The following C1S variants were observed in gnomAD, a reference collection of about 807,000 sequenced individuals.
C1S encodes complement C1s subcomponent.
In C1S, 31 loss-of-function variants were observed where a neutral mutation model predicts 54.0. The ratio of observed to expected loss-of-function variants is 0.57; its 90% CI spans 0.43 to 0.78. C1S has a LOEUF of 0.78. Ranked by LOEUF, C1S falls within the 30% of genes least tolerant of loss-of-function variation. The pLI is 0.00. For synonymous variants in C1S, 292 were observed against 303.6 expected, an observed-to-expected ratio of 0.96 and a Z score of 0.40; for missense variants, 727 against 851.8, an observed-to-expected ratio of 0.85 and a Z score of 1.82.
chr12:7,064,199 T>C, intron 4 of C1S, 68 bp from the exon 5 acceptor site: 2 of 1,561,816 alleles, frequency 1.3e-6, no homozygotes, highest in Non-Finnish European at 1.8e-6. Flanking sequence ...CCTTATGGTT[T>C]TGGATTTAAC....
At chr12:7,062,452 A>C (rs782664409) in intron 2 of C1S, 23 bp from the exon 3 acceptor site, 10 of 1,597,768 alleles carry the variant, frequency 6.3e-6, no homozygotes, top group South Asian at 5.5e-5. Context: ...GTCACCCGCC[A>C]ATCTATGCCT....
At chr12:7,064,661 C>T (rs782612582) in intron 5 of C1S, among the ~76,000 whole-genome samples, 21 of 151,918 alleles carry the variant, frequency 1.4e-4, no homozygotes, top group African/African-American at 4.6e-4. Context: ...TACACTATAC[C>T]CAGTGTGTAG....
At chr12:7,066,335 C>T in intron 7 of C1S, 183 bp from the exon 8 acceptor site, 1 of 672,424 alleles carries the variant, frequency 1.5e-6, no homozygotes. Flanking sequence ...AGACTGCAGA[C>T]AGCTTGCGGG....
Position 7,062,461 on chromosome 12 carries a change from C to T in C1S, c.6-14C>T, listed in dbSNP as rs1555161387. On this transcript the variant is annotated splice_polypyrimidine_tract_variant and intron_variant, in intron 2 of 11. Coordinates refer to ENST00000360817, the MANE Select transcript of C1S (RefSeq NM_001734.5). ...TGCCTGGTCACCCGCCAATCTATGC[C>T]TCTGTTTTTTCAGGTGCATTGTCCT... is the stretch of plus-strand genomic sequence containing the variant. The T allele has an allele frequency of 3.1e-6, 5 of 1,607,310 alleles. No individual in the cohort carries two copies. In the African/African-American group the frequency reaches 5.4e-5, roughly 17 times the overall value.
chr12:7,070,441 T>C lies in C1S; in HGVS notation c.1857T>C (p.Ala619=), dbSNP rs1937821080. ...TTTTCACTCCTAACATGATCTGTGC[T>C]GGAGGAGAGAAGGGCATGGATAGCT... ...AYVFTPNMIC[A]GGEKGMDSCK... Residue 619 remains alanine, a synonymous_variant, in exon 12 of 12, where the codon GCT becomes GCC. Coordinates refer to ENST00000360817, the MANE Select transcript of C1S (RefSeq NM_001734.5). This position sits in a 1 kb window ranked among gnomAD's most constrained non-coding sequence, Gnocchi z 4.9. 2 of 1,614,202 alleles carry C rather than the reference T, an allele frequency of 1.2e-6. No individual in the cohort carries two copies. The highest frequency in any genetic ancestry group is 1.7e-6 in the Non-Finnish European group (2 of 1,180,028).
At chr12:7,069,775 A>G in intron 11 of C1S, 80 bp from the exon 12 acceptor site, 2 of 1,209,938 alleles carry the variant, frequency 1.7e-6, no homozygotes, top group Non-Finnish European at 2.5e-6. Context: ...AGCAGGTAAC[A>G]TTATGTGAGT....
rs140559698 is a variant in C1S, at chr12:7,065,947, G to A, written c.848G>A (p.Trp283Ter). The A allele has an allele frequency of 6.2e-7, 1 of 1,613,874 alleles. No homozygotes were observed. Among genetic ancestry groups the A allele is most frequent in the African/African-American group, 1.3e-5 (1 of 74,898 alleles). Residue 283 changes from tryptophan (W) to a stop codon, truncating the protein, a stop_gained, in exon 7 of 12, where the codon TGG becomes TAG. Coordinates refer to ENST00000360817, the MANE Select transcript of C1S (RefSeq NM_001734.5). LOFTEE classifies it high-confidence loss of function. The part of the protein sequence containing the change: ...QTDLTGQKKG[W>*]KLRYHGDPMP... ...GATCTAACAGGGCAAAAAAAGGGCT[G>A]GAAACTTCGCTATCATGGAGATCGT...
chr12:7,067,522 T>G (rs1591579932), intron 9 of C1S, 121 bp from the exon 10 acceptor site: 110 of 1,129,038 alleles, frequency 9.7e-5, no homozygotes, highest in East Asian at 6.6e-4. Context: ...TGTGGGGAGG[T>G]TCATCCCAGG....
At chr12:7,066,097 G>C (rs1364581670) in intron 7 of C1S, 127 bp downstream of exon 7, 1 of 872,696 alleles carries the variant, frequency 1.1e-6, no homozygotes, top group Non-Finnish European at 1.9e-6. Context: ...GGGAGGCTGA[G>C]GCAGGAGGAT....
In C1S at chr12:7,062,947, C is replaced by A. The variant is rs1326224262; in HGVS notation, c.271C>A (p.Pro91Thr). The change falls in exon 4 of 12, where the codon CCC (proline) becomes ACC (threonine). Residue 91 changes from proline (P) to threonine (T), a missense_variant. Around this residue, in one of 3 missense-constraint regions of C1S, gnomAD observed 357 missense variants for 365.4 expected, o/e 0.98. Coordinates refer to ENST00000360817, the MANE Select transcript of C1S (RefSeq NM_001734.5). ...CTGTGGACAGAGGAGCAGTAACAAT[C>A]CCCACTCTCCAATTGTGGAAGAGTT... Reference protein sequence around the residue: ...RLCGQRSSNNPHSPIVEEFQV... With the variant: ...RLCGQRSSNNTHSPIVEEFQV... 2 of 1,613,864 alleles carry A rather than the reference C, an allele frequency of 1.2e-6. No homozygotes were observed. Among genetic ancestry groups the A allele is most frequent in the Non-Finnish European group, 1.7e-6 (2 of 1,179,904 alleles).
chr12:7,062,733 G>A, intron 3 of C1S, 51 bp downstream of exon 3: 1 of 1,573,158 alleles, frequency 6.4e-7, no homozygotes, highest in Middle Eastern at 1.9e-4. Flanking sequence ...GGCTAAGGTA[G>A]CGGAATAAGG....
chr12:7,062,328 T>G, intron 2 of C1S, 147 bp from the exon 3 acceptor site: 1 of 704,398 alleles, frequency 1.4e-6, no homozygotes, highest in South Asian at 1.5e-5. Flanking sequence ...GACCTGGGCC[T>G]TTTCTTTATT....
rs373645008 is a variant in C1S, at chr12:7,068,659, G to A, written c.1270+129G>A. Reference sequence around the variant, plus strand: ...TGCCAGAGTCCAGCTCAGTGAGGTGGCAGTATCACTGTGCCGTGGGCTGCC... The same window carrying A: ...TGCCAGAGTCCAGCTCAGTGAGGTGACAGTATCACTGTGCCGTGGGCTGCC... On this transcript the variant is annotated intron_variant, in intron 11 of 11. Transcript: ENST00000360817. The A allele has an allele frequency of 1.2e-4, 89 of 724,986 alleles. 2 individuals are homozygous for A. The East Asian group carries it at 1.4e-3, about 12-fold the overall frequency. 44.9% of individuals were successfully genotyped at this position (724,986 alleles called of 1,614,324 possible).
At position 7,062,363 on chromosome 12, in the gene C1S, C is replaced by G; in HGVS notation, c.6-112C>G. On this transcript the variant is annotated intron_variant, in intron 2 of 11. Coordinates refer to ENST00000360817, the MANE Select transcript of C1S (RefSeq NM_001734.5). ...TCCGACCTAAGATTCTCCCCCATGG[C>G]CGATTGACTGCCTCTCTTCTTCCCC... 3.8e-6 allele frequency: 3 copies of G among 797,196 alleles called. No homozygotes were observed. In the East Asian group the frequency reaches 7.7e-5, roughly 20 times the overall value. The allele number at this position is 797,196 out of a possible 1,614,324, so 49.4% of individuals were successfully genotyped here.
intron 7 of C1S, 148 bp downstream of exon 7, chr12:7,066,118 C>T: frequency 5.2e-6 from 4 of 762,666 alleles, no homozygotes; most frequent in South Asian, 1.4e-5. Flanking sequence ...CCCTTGAGCC[C>T]AGGAAGTAGG....
intron 4 of C1S, chr12:7,063,285 TAAA>T (rs1251988894): frequency 1.7e-6 from 1 of 582,574 alleles, no homozygotes; most frequent in African/African-American, 1.9e-5. Flanking sequence ...TAGTACATAA[TAAA>T]CAGCAATTTG....
chr12:7,062,856 T>C, intron 3 of C1S, 34 bp from the exon 4 acceptor site: 6 of 1,609,152 alleles, frequency 3.7e-6, no homozygotes, highest in Non-Finnish European at 5.1e-6. Context: ...ATATTACCCT[T>C]TCCTAGATTT....
intron 2 of C1S, 151 bp from the exon 3 acceptor site, chr12:7,062,324 G>A (rs1947102843): frequency 1.4e-6 from 1 of 698,814 alleles, no homozygotes; most frequent in East Asian, 2.7e-5. Context: ...GTTTGACCTG[G>A]GCCTTTTCTT....
chr12:7,070,755 G>A lies in C1S; in HGVS notation c.*104G>A. ...TCATCATGACTGAAAGAAGACACGA[G>A]CGAATGATTTAAATAGAACTTGATT... On this transcript the variant is annotated 3_prime_UTR_variant, in exon 12 of 12. Transcript: ENST00000360817. This position sits in a 1 kb window ranked among gnomAD's most constrained non-coding sequence, Gnocchi z 4.9. 1 of 989,566 alleles carries A rather than the reference G, an allele frequency of 1.0e-6. No individual in the cohort carries two copies. The allele number at this position is 989,566 out of a possible 1,614,324, so 61.3% of individuals were successfully genotyped here.
Sources: allele counts gnomAD v4.1 joint callset (sites outside exome capture counted in the v4.1 genomes callset), GRCh38; gene constraint gnomAD v4.1.1; regional missense constraint gnomAD v4.1.1; non-coding constraint Gnocchi (gnomAD v3.1); transcripts MANE v1.5; gene names NCBI Gene and HGNC (gene_info 2026-07-23, HGNC 2026-07-21).